Variants in GRID2 observed in about 807,000 individuals in gnomAD.
GRID2 encodes the protein glutamate receptor ionotropic, delta-2.
A neutral mutation model predicts 114.8 loss-of-function variants in GRID2; 33 were observed. The observed-to-expected ratio is 0.29, with a 90% CI of 0.22 to 0.38. The LOEUF (loss-of-function observed/expected upper bound fraction) is 0.38. Among genes scored for constraint, GRID2 ranks in the 10% least tolerant of loss-of-function variants. The pLI is 1.00. For missense variants in GRID2, 1,184 were observed against 1,257.7 expected, an observed-to-expected ratio of 0.94 and a Z score of 0.89; for synonymous variants, 505 against 449.9, an observed-to-expected ratio of 1.12 and a Z score of -1.55.
chr4:92,941,562 A>C (rs949912838), intron 2 of GRID2, among the ~76,000 whole-genome samples: 16 of 151,826 alleles, frequency 1.1e-4, no homozygotes, highest in Admixed American at 1.0e-3. Flanking sequence ...TTGTGTCTCT[A>C]TTTCCTTCAG....
chr4:92,605,071 C>T (rs1729389875), intron 2 of GRID2, among the ~76,000 whole-genome samples: 1 of 152,166 alleles, frequency 6.6e-6, no homozygotes, highest in South Asian at 2.1e-4. Flanking sequence ...TCCCCTCCAC[C>T]TTCTGCTATG....
chr4:92,919,145 G>A (rs1055132671), intron 2 of GRID2, among the ~76,000 whole-genome samples: 27 of 152,104 alleles, frequency 1.8e-4, no homozygotes, highest in Non-Finnish European at 3.2e-4. Flanking sequence ...GTGTAGAGGT[G>A]TTTATACTAT....
intron 8 of GRID2, among the ~76,000 whole-genome samples, chr4:93,372,978 G>A (rs954592554): frequency 3.9e-5 from 6 of 152,082 alleles, no homozygotes; most frequent in Non-Finnish European, 7.3e-5. Context: ...ATAACCAACA[G>A]TGAACCATCA....
At chr4:93,413,998 C>T (rs1192220438) in intron 9 of GRID2, among the ~76,000 whole-genome samples, 1 of 152,088 alleles carries the variant, frequency 6.6e-6, no homozygotes, top group Non-Finnish European at 1.5e-5. Flanking sequence ...AACTAAAAAT[C>T]AGTCAAGGAC....
intron 2 of GRID2, among the ~76,000 whole-genome samples, chr4:92,966,516 A>G (rs938138758): frequency 2.0e-5 from 3 of 151,870 alleles, no homozygotes; most frequent in Admixed American, 6.6e-5. Flanking sequence ...TTGAATTGTA[A>G]TAATCCCCAC....
At chr4:93,662,114 C>G (rs1484546418) in intron 14 of GRID2, among the ~76,000 whole-genome samples, 1 of 152,184 alleles carries the variant, frequency 6.6e-6, no homozygotes, top group Non-Finnish European at 1.5e-5. Context: ...TTACTTACTT[C>G]TGCCTAAAAA....
chr4:93,536,122 C>T (rs989572014), intron 13 of GRID2, among the ~76,000 whole-genome samples: 2 of 151,824 alleles, frequency 1.3e-5, no homozygotes, highest in Non-Finnish European at 2.9e-5. Flanking sequence ...TTTAAATGCC[C>T]GTAGTACCCA....
chr4:92,921,935 G>T (rs1486097537), intron 2 of GRID2, among the ~76,000 whole-genome samples: 4 of 152,180 alleles, frequency 2.6e-5, no homozygotes, highest in Non-Finnish European at 5.9e-5. Context: ...GCTATGCCCT[G>T]CCCCCAGAGG....
At chr4:93,063,532 A>G (rs1251234966) in intron 2 of GRID2, among the ~76,000 whole-genome samples, 2 of 151,930 alleles carry the variant, frequency 1.3e-5, no homozygotes, top group Non-Finnish European at 2.9e-5. Context: ...AGAGTAAAAC[A>G]TAAGAAATGA....
chr4:93,263,038 G>A (rs1241550732), intron 8 of GRID2, among the ~76,000 whole-genome samples: 1 of 151,724 alleles, frequency 6.6e-6, no homozygotes, highest in Non-Finnish European at 1.5e-5. Flanking sequence ...AAAAAATAGT[G>A]CCAGTTTCCA....
At chr4:92,940,276 C>T (rs1447096617) in intron 2 of GRID2, among the ~76,000 whole-genome samples, 1 of 146,700 alleles carries the variant, frequency 6.8e-6, no homozygotes, top group Non-Finnish European at 1.5e-5. Context: ...TGAAGAGGTC[C>T]TTCACATCCC....
chr4:93,757,846 A>G (rs2110300870), intron 14 of GRID2, among the ~76,000 whole-genome samples: 1 of 152,262 alleles, frequency 6.6e-6, no homozygotes, highest in East Asian at 1.9e-4. Flanking sequence ...AATCCCAGCT[A>G]CTTGGAAGGC....
chr4:92,760,531 G>A (rs1378795604), intron 2 of GRID2, among the ~76,000 whole-genome samples: 1 of 152,048 alleles, frequency 6.6e-6, no homozygotes, highest in Non-Finnish European at 1.5e-5. Flanking sequence ...CAGCTTCAGG[G>A]TTGCTTCAGG....
At chr4:93,057,665 C>T (rs72885766) in intron 2 of GRID2, among the ~76,000 whole-genome samples, 3 of 151,884 alleles carry the variant, frequency 2.0e-5, no homozygotes, top group Non-Finnish European at 2.9e-5. Context: ...ACTCCCCTAG[C>T]CTCAAACTAG....
intron 13 of GRID2, among the ~76,000 whole-genome samples, chr4:93,543,049 C>A (rs1732809009): frequency 6.6e-6 from 1 of 152,192 alleles, no homozygotes; most frequent in Non-Finnish European, 1.5e-5. Context: ...TGCGAGTGGT[C>A]TCCTAATAAC....
chr4:93,231,457 C>A (rs1746138105), intron 7 of GRID2, among the ~76,000 whole-genome samples: 1 of 149,688 alleles, frequency 6.7e-6, no homozygotes, highest in African/African-American at 2.5e-5. Flanking sequence ...AAGAGCTACA[C>A]TCTAAGGCCA....
chr4:92,964,030 G>A (rs1752982410), intron 2 of GRID2, among the ~76,000 whole-genome samples: 1 of 151,958 alleles, frequency 6.6e-6, no homozygotes, highest in South Asian at 2.1e-4. Context: ...CGCAGCAGTG[G>A]CCTTAAAATA....
At chr4:92,516,021 T>C (rs1016673766) in intron 1 of GRID2, among the ~76,000 whole-genome samples, 1 of 151,944 alleles carries the variant, frequency 6.6e-6, no homozygotes, top group Admixed American at 6.6e-5. Context: ...ATGTTTTTGC[T>C]AGAAAATTAT....
At position 92,310,743 on chromosome 4, in the gene GRID2, T is replaced by A. The variant is rs566208618; in HGVS notation, c.88+5999T>A. Among the ~76,000 whole-genome samples the A allele has an allele frequency of 2.6e-5, 4 of 152,166 alleles. No homozygotes were observed. In the South Asian group the frequency reaches 6.2e-4, roughly 24 times the overall value. On this transcript the variant is annotated intron_variant, in intron 1 of 15. Transcript: ENST00000282020. ...AACCCTAAAATAAGATTTAGACTAA[T>A]GTTCATTTAATCTCTAAGATTATAT...
Sources: allele counts gnomAD v4.1 joint callset (sites outside exome capture counted in the v4.1 genomes callset), GRCh38; gene constraint gnomAD v4.1.1; transcripts MANE v1.5; gene names NCBI Gene and HGNC (gene_info 2026-07-23, HGNC 2026-07-21).